LYRM4: variants seen among roughly 807,000 people sequenced by gnomAD.
LYRM4 encodes the protein LYR motif-containing protein 4.
Under a neutral mutation model 11.7 loss-of-function variants are expected in LYRM4, and 9 were observed. The ratio of observed to expected loss-of-function variants is 0.77; its 90% CI spans 0.46 to 1.34. The LOEUF (loss-of-function observed/expected upper bound fraction) is 1.34, where lower values mean the gene tolerates loss of function less well. LYRM4 is among the 40% of genes most tolerant of loss of function. The pLI is 0.00. For missense variants in LYRM4, 133 were observed against 112.5 expected (o/e 1.18, Z -0.82); for synonymous variants, 42 against 40.4 (o/e 1.04, Z -0.15).
the LYRM4 span, chr6:5,086,751 G>A: frequency 3.3e-6 from 2 of 600,128 alleles, no homozygotes; most frequent in Non-Finnish European, 5.8e-6. Flanking sequence ...CGAGCTTAGA[G>A]AGCCCGGGCA....
chr6:5,221,086 C>A (rs1762550746), intron 1 of LYRM4, among the ~76,000 whole-genome samples: 1 of 152,264 alleles, frequency 6.6e-6, no homozygotes, highest in African/African-American at 2.4e-5. Flanking sequence ...CTTGGCCTCT[C>A]AAAGTGCTGG....
chr6:5,090,073 T>G, the LYRM4 span, among the ~76,000 whole-genome samples: 13,576 of 143,956 alleles, frequency 0.094, 738 homozygotes, highest in African/African-American at 0.17. The surrounding 1 kb of genome is among the most constrained non-coding windows in gnomAD (Gnocchi z 4.8). Flanking sequence ...ATCCCTGCAA[T>G]GCAGTCAGTG....
downstream of LYRM4, chr6:5,105,887 T>G (rs1762649499): frequency 6.5e-6 from 1 of 152,848 alleles, no homozygotes; most frequent in Non-Finnish European, 1.5e-5. Flanking sequence ...ATCCTTAGGC[T>G]GAGGCTCCAA....
At chr6:5,096,109 A>G in the LYRM4 span, among the ~76,000 whole-genome samples, 1 of 152,248 alleles carries the variant, frequency 6.6e-6, no homozygotes, top group East Asian at 1.9e-4. Context: ...TGAAGGGGAT[A>G]TGGGATCTCT....
chr6:5,052,638 T>A, the LYRM4 span, among the ~76,000 whole-genome samples: 33,061 of 152,068 alleles, frequency 0.22, 6,029 homozygotes, highest in African/African-American at 0.5. Flanking sequence ...AGATGAAAAA[T>A]ATTCTAGAGA....
chr6:5,202,436 T>C (rs1344574442), intron 2 of LYRM4, among the ~76,000 whole-genome samples: 2 of 152,218 alleles, frequency 1.3e-5, no homozygotes, highest in Non-Finnish European at 2.9e-5. Flanking sequence ...GATTTCCCAA[T>C]GTCCAACCTC....
intron 2 of LYRM4, among the ~76,000 whole-genome samples, chr6:5,201,474 G>C (rs1478916592): frequency 1.3e-5 from 2 of 152,214 alleles, no homozygotes; most frequent in Admixed American, 6.5e-5. Flanking sequence ...TTCTTTGGGT[G>C]AATCAGTTCA....
At chr6:5,257,742 G>A (rs1488702248) in intron 1 of LYRM4, among the ~76,000 whole-genome samples, 3 of 152,174 alleles carry the variant, frequency 2.0e-5, no homozygotes, top group Non-Finnish European at 4.4e-5. Context: ...GATCTGAGGT[G>A]GAAGAGTTTC....
chr6:5,167,507 C>G (rs1262783913), intron 2 of LYRM4, among the ~76,000 whole-genome samples: 1 of 152,164 alleles, frequency 6.6e-6, no homozygotes, highest in African/African-American at 2.4e-5. Context: ...TCTTATTTTG[C>G]CTTTTTAACA....
At chr6:5,210,531 A>G (rs538366249) in intron 2 of LYRM4, among the ~76,000 whole-genome samples, 1 of 152,300 alleles carries the variant, frequency 6.6e-6, no homozygotes, top group East Asian at 1.9e-4. Flanking sequence ...TGGAAAAAAC[A>G]CAAACCATAA....
At chr6:5,144,620 G>A (rs549763302) in intron 2 of LYRM4, among the ~76,000 whole-genome samples, 30 of 64,696 alleles carry the variant, frequency 4.6e-4, no homozygotes, top group Admixed American at 1.5e-3. Context: ...GCGAGACTCC[G>A]TCTCAAAAAA....
intron 2 of LYRM4, among the ~76,000 whole-genome samples, chr6:5,204,022 G>GT (rs891590660): frequency 4.6e-5 from 7 of 152,158 alleles, no homozygotes; most frequent in African/African-American, 1.7e-4. Flanking sequence ...AACATTGTCA[G>GT]TCTCCTTCAC....
chr6:5,159,027 AT>A (rs1758589771), intron 2 of LYRM4, among the ~76,000 whole-genome samples: 1 of 152,162 alleles, frequency 6.6e-6, no homozygotes, highest in Admixed American at 6.6e-5. Flanking sequence ...GGGAGGTGGG[AT>A]CATGGAAATT....
chr6:5,084,001 G>T, the LYRM4 span, among the ~76,000 whole-genome samples: 4 of 152,172 alleles, frequency 2.6e-5, no homozygotes, highest in Admixed American at 2.6e-4. Flanking sequence ...TGGGAGCAGT[G>T]GGGGGCGCCT....
the LYRM4 span, among the ~76,000 whole-genome samples, chr6:5,040,277 A>G: frequency 6.6e-6 from 1 of 151,776 alleles, no homozygotes; most frequent in Non-Finnish European, 1.5e-5. Flanking sequence ...ATGCCAGTGC[A>G]CCCCAGCCTG....
the LYRM4 span, among the ~76,000 whole-genome samples, chr6:5,038,883 G>GA: frequency 1.2e-4 from 1 of 8,120 alleles, no homozygotes; most frequent in African/African-American, 3.3e-4. Context: ...GACCGTGGAG[G>GA]GAGAGAGAGG....
At chr6:5,136,885 C>A in intron 2 of LYRM4, 2 of 946,412 alleles carry the variant, frequency 2.1e-6, no homozygotes, top group Non-Finnish European at 2.5e-6. Context: ...TTAAAGTGTA[C>A]AATTCAATGG....
chr6:5,118,271 C>G lies in LYRM4; in HGVS notation c.208-8780G>C, dbSNP rs375745700. Among the ~76,000 whole-genome samples, 6 of 151,930 alleles carry G rather than the reference C, an allele frequency of 3.9e-5. No homozygotes were observed. In the South Asian group the frequency reaches 8.3e-4, roughly 21 times the overall value. On this transcript the variant is annotated intron_variant, in intron 2 of 2. Transcript: ENST00000330636. The stretch of plus-strand genomic sequence containing the variant: ...AGCTGGGACTGCAGGCATGCACCAC[C>G]ACACCTGGCTAATTTTTGTATTTTT...
the LYRM4 span, among the ~76,000 whole-genome samples, chr6:5,049,014 A>G: frequency 5.9e-5 from 9 of 152,156 alleles, no homozygotes; most frequent in African/African-American, 2.2e-4. Flanking sequence ...CTTGGGAACA[A>G]AGAGGGCTTT....
Sources: gnomAD v4.1 joint callset for allele counts (sites outside exome capture counted in the v4.1 genomes callset) on GRCh38, gnomAD v4.1.1 for gene constraint, Gnocchi (gnomAD v3.1) non-coding constraint, MANE v1.5 for transcripts, NCBI Gene and HGNC (gene_info 2026-07-23, HGNC 2026-07-21) for gene names.